Variants in ZMAT4 observed in about 807,000 individuals in gnomAD.
ZMAT4 encodes the protein zinc finger matrin-type 4.
A neutral mutation model predicts 28.7 loss-of-function variants in ZMAT4; 17 were observed. That is an observed-to-expected ratio of 0.59 (90% CI 0.41 to 0.89). ZMAT4 has a LOEUF of 0.89. ZMAT4 is among the 40% of genes least tolerant of loss of function. The pLI, the probability that ZMAT4 is intolerant of heterozygous loss-of-function variation, is 0.00. For missense variants in ZMAT4, 240 were observed against 283.8 expected, an observed-to-expected ratio of 0.85 and a Z score of 1.11; for synonymous variants, 117 against 109.2, an observed-to-expected ratio of 1.07 and a Z score of -0.44.
intron 6 of ZMAT4, among the ~76,000 whole-genome samples, chr8:40,571,525 G>T (rs190389940): frequency 1.7e-4 from 26 of 152,254 alleles, no homozygotes; most frequent in Admixed American, 1.7e-3. Context: ...GGGCTAGGTA[G>T]AAAGCAGCCT....
intron 3 of ZMAT4, among the ~76,000 whole-genome samples, chr8:40,752,889 A>G (rs1254491009): frequency 6.6e-6 from 1 of 151,402 alleles, no homozygotes; most frequent in East Asian, 1.9e-4. Flanking sequence ...CTTTTTTTTT[A>G]ATTTTACTTT....
intron 5 of ZMAT4, among the ~76,000 whole-genome samples, chr8:40,631,955 T>C (rs1172443310): frequency 6.6e-6 from 1 of 152,222 alleles, no homozygotes; most frequent in East Asian, 1.9e-4. Context: ...TGCAGACATC[T>C]TGTGCCTATG....
chr8:40,825,757 C>A, intron 1 of ZMAT4, 77 bp from the exon 2 acceptor site: 1 of 1,200,196 alleles, frequency 8.3e-7, no homozygotes, highest in South Asian at 1.4e-5. Context: ...GTATGAAAAG[C>A]CAGGATCACA....
intron 2 of ZMAT4, among the ~76,000 whole-genome samples, chr8:40,793,855 C>G (rs996313855): frequency 6.6e-6 from 1 of 152,108 alleles, no homozygotes; most frequent in African/African-American, 2.4e-5. Context: ...ACGGACTCGC[C>G]CCTCCTTGGG....
At chr8:40,888,231 A>C (rs906012172) in intron 1 of ZMAT4, among the ~76,000 whole-genome samples, 2 of 152,180 alleles carry the variant, frequency 1.3e-5, no homozygotes, top group African/African-American at 4.8e-5. Flanking sequence ...GCCCTTCTCC[A>C]TGACAGGTAG....
rs1161926126 is a variant in ZMAT4, at chr8:40,881,439, GAA to G, written c.-5+16242_-5+16243del. Among the ~76,000 whole-genome samples, 539 of 79,560 alleles carry G rather than the reference GAA, an allele frequency of 6.8e-3. 16 individuals carry two copies. The highest frequency in any genetic ancestry group is 0.023 in the African/African-American group (512 of 22,706). 52.2% of individuals were successfully genotyped at this position (79,560 alleles called of 152,430 possible). A position where few individuals can be genotyped will look rare whatever the true frequency, so the allele number is the denominator to read the frequency against. ...GGAAGAAAAAGAAGAAAGAGAGAAAGAAAGAAAGAAAGAAAGAAAGAAAGAAA... is the reference window on the plus strand; with the variant it reads ...GGAAGAAAAAGAAGAAAGAGAGAAAGAGAAAGAAAGAAAGAAAGAAAGAAA... On this transcript the variant is annotated intron_variant, in intron 1 of 6. Transcript: ENST00000297737.
chr8:40,564,078 C>T (rs1487048801), intron 6 of ZMAT4, among the ~76,000 whole-genome samples: 1 of 152,120 alleles, frequency 6.6e-6, no homozygotes, highest in Non-Finnish European at 1.5e-5. Context: ...CATGAAATTA[C>T]TTATTTTTGG....
chr8:40,836,828 T>C (rs1227343463), intron 1 of ZMAT4, among the ~76,000 whole-genome samples: 2 of 152,190 alleles, frequency 1.3e-5, no homozygotes, highest in East Asian at 1.9e-4. Context: ...GATCTCAGCT[T>C]TGCTTTAGAA....
At chr8:40,854,286 A>G (rs1432117300) in intron 1 of ZMAT4, among the ~76,000 whole-genome samples, 7 of 152,228 alleles carry the variant, frequency 4.6e-5, no homozygotes, top group Non-Finnish European at 8.8e-5. Context: ...CTTTCCAGTG[A>G]GATACTCCAA....
chr8:40,746,890 C>A (rs1168219853), intron 3 of ZMAT4, among the ~76,000 whole-genome samples: 2 of 152,166 alleles, frequency 1.3e-5, no homozygotes, highest in Non-Finnish European at 2.9e-5. Context: ...TCTTCCTTAA[C>A]CTTCTTACCC....
At chr8:40,613,784 G>A (rs970042422) in intron 5 of ZMAT4, among the ~76,000 whole-genome samples, 1 of 152,188 alleles carries the variant, frequency 6.6e-6, no homozygotes, top group Non-Finnish European at 1.5e-5. Context: ...TTCTGAACTT[G>A]AGGGAATCAC....
intron 5 of ZMAT4, among the ~76,000 whole-genome samples, chr8:40,623,232 A>C (rs1298289309): frequency 6.6e-6 from 1 of 152,176 alleles, no homozygotes; most frequent in African/African-American, 2.4e-5. Context: ...CAGCTAGAGA[A>C]TAACATGGTC....
chr8:40,661,973 T>G (rs1808219650), intron 5 of ZMAT4, among the ~76,000 whole-genome samples: 2 of 152,044 alleles, frequency 1.3e-5, no homozygotes. Flanking sequence ...CAGGTTAATT[T>G]TTTTGTTTGT....
intron 5 of ZMAT4, among the ~76,000 whole-genome samples, chr8:40,661,401 G>C (rs1808190809): frequency 6.6e-6 from 1 of 152,182 alleles, no homozygotes; most frequent in African/African-American, 2.4e-5. Context: ...TGCCCAGCCG[G>C]TGTTTATTAA....
At chr8:40,773,872 G>T (rs1011177066) in intron 2 of ZMAT4, among the ~76,000 whole-genome samples, 1 of 151,864 alleles carries the variant, frequency 6.6e-6, no homozygotes, top group Non-Finnish European at 1.5e-5. Context: ...AGAAACTAAA[G>T]ATCTTATATA....
At chr8:40,760,706 G>GTCTCTCTCTCTCTC (rs56024719) in intron 3 of ZMAT4, among the ~76,000 whole-genome samples, 78 of 142,518 alleles carry the variant, frequency 5.5e-4, no homozygotes, top group African/African-American at 1.8e-3. Flanking sequence ...CTCTGTCACA[G>GTCTCTCTCTCTCTC]TCTCTCTCTC....
intron 4 of ZMAT4, among the ~76,000 whole-genome samples, chr8:40,691,195 T>A (rs867207153): frequency 7.2e-5 from 11 of 152,290 alleles, no homozygotes; most frequent in Middle Eastern, 3.4e-3. Context: ...TTAATATAAA[T>A]GTTTGATTCA....
At chr8:40,560,431 A>C (rs1452669035) in intron 6 of ZMAT4, among the ~76,000 whole-genome samples, 1 of 152,034 alleles carries the variant, frequency 6.6e-6, no homozygotes, top group African/African-American at 2.4e-5. Flanking sequence ...CCCTCAAAGT[A>C]ATCTCAGAAT....
rs546980252 is a variant in ZMAT4, at chr8:40,570,448, C to T, written c.674+10717G>A. Among the ~76,000 whole-genome samples the T allele has an allele frequency of 6.4e-4, 98 of 152,224 alleles. 1 individual carries two copies. Among genetic ancestry groups the T allele is most frequent in the African/African-American group, 2.3e-3 (97 of 41,536 alleles). ...GTGCAGTGGCTCATGCCTATAATTC[C>T]AGCACTGTGGGAGGTCGAGGCAGGA... On this transcript the variant is annotated intron_variant, in intron 6 of 6. Coordinates refer to ENST00000297737, the MANE Select transcript of ZMAT4 (RefSeq NM_024645.3).
Sources: allele counts gnomAD v4.1 joint callset (sites outside exome capture counted in the v4.1 genomes callset), GRCh38; gene constraint gnomAD v4.1.1; transcripts MANE v1.5; gene names NCBI Gene and HGNC (gene_info 2026-07-23, HGNC 2026-07-21).